Variants in SIPA1L1 observed in about 807,000 individuals in gnomAD.
The protein encoded by SIPA1L1 is signal-induced proliferation-associated 1-like protein 1.
In SIPA1L1, 26 loss-of-function variants were observed where a neutral mutation model predicts 162.7. That is an observed-to-expected ratio of 0.16 (90% CI 0.12 to 0.22). The LOEUF is 0.22. SIPA1L1 is among the 10% of genes least tolerant of loss of function. The probability of loss-of-function intolerance (pLI) is 1.00; values close to 1 mark genes in which losing one functional copy is unlikely to be tolerated. For missense variants in SIPA1L1, 1,874 were observed against 2,241.0 expected (o/e 0.84, Z 3.31); for synonymous variants, 829 against 837.4 (o/e 0.99, Z 0.17).
rs564604549 is a variant in SIPA1L1, at chr14:71,700,951, C to T, written c.3522-1430C>T. ...GGAGCTTGCAGTGAGCCCGAGATTG[C>T]GCCACTGCACTCCAGCCTAGGGGAC... On this transcript the variant is annotated intron_variant, in intron 14 of 23. Transcript: ENST00000381232. 3.1e-3 allele frequency among the ~76,000 whole-genome samples: 380 copies of T among 122,660 alleles called. 5 individuals carry two copies. The highest frequency in any genetic ancestry group is 5.2e-3 in the Admixed American group (47 of 9,090). 80.5% of individuals were successfully genotyped at this position (122,660 alleles called of 152,430 possible). A position where few individuals can be genotyped will look rare whatever the true frequency, so the allele number is the denominator to read the frequency against.
At chr14:71,545,108 C>T (rs1037963648) in intron 4 of SIPA1L1, among the ~76,000 whole-genome samples, 1 of 152,150 alleles carries the variant, frequency 6.6e-6, no homozygotes, top group Admixed American at 6.5e-5. Flanking sequence ...AGTCCTCCTG[C>T]CTTGGCTCCC....
intron 4 of SIPA1L1, among the ~76,000 whole-genome samples, chr14:71,570,921 A>G (rs186493113): frequency 1.4e-3 from 208 of 152,080 alleles, no homozygotes; most frequent in Non-Finnish European, 2.5e-3. Flanking sequence ...CTGTAATCCC[A>G]AGTAGCTGGG....
chr14:71,502,253 A>ACAT (rs1555440974), intron 2 of SIPA1L1, among the ~76,000 whole-genome samples: 2 of 89,904 alleles, frequency 2.2e-5, no homozygotes, highest in African/African-American at 9.1e-5. Flanking sequence ...AAAAAAAAAA[A>ACAT]AAATATATAT....
chr14:71,467,995 CAGTT>C (rs942604245), intron 2 of SIPA1L1, among the ~76,000 whole-genome samples: 17 of 146,652 alleles, frequency 1.2e-4, no homozygotes, highest in Admixed American at 9.0e-4. Context: ...AGGGGAAAAG[CAGTT>C]AGAGGGGTGT....
intron 2 of SIPA1L1, among the ~76,000 whole-genome samples, chr14:71,394,641 T>A (rs912727550): frequency 6.6e-6 from 1 of 152,238 alleles, no homozygotes; most frequent in East Asian, 1.9e-4. Context: ...ACAAACTGTT[T>A]AACTGTGTAT....
At chr14:71,661,490 G>T (rs1448396590) in intron 10 of SIPA1L1, 23 bp downstream of exon 10, 3 of 1,601,996 alleles carry the variant, frequency 1.9e-6, no homozygotes, top group African/African-American at 2.7e-5. Flanking sequence ...GTCACAGCAG[G>T]GGCTCTGTGG....
chr14:71,506,756 A>G (rs972372258), intron 2 of SIPA1L1, among the ~76,000 whole-genome samples: 34 of 150,358 alleles, frequency 2.3e-4, no homozygotes, highest in African/African-American at 8.1e-4. Context: ...TTAATATGGA[A>G]TTTATATTTC....
intron 2 of SIPA1L1, among the ~76,000 whole-genome samples, chr14:71,348,139 C>T (rs2036347509): frequency 6.6e-6 from 1 of 152,096 alleles, no homozygotes; most frequent in Non-Finnish European, 1.5e-5. Flanking sequence ...ATCAAGTATG[C>T]AAACTGTAAA....
intron 2 of SIPA1L1, among the ~76,000 whole-genome samples, chr14:71,483,721 CCTG>C (rs1433537301): frequency 1.3e-5 from 2 of 152,318 alleles, no homozygotes; most frequent in East Asian, 1.9e-4. Flanking sequence ...ATGTCACTCT[CCTG>C]CTGAAAACAT....
At position 71,414,943 on chromosome 14, in the gene SIPA1L1, C is replaced by T. The variant is rs115954590; in HGVS notation, c.-465+93762C>T. 5.3e-3 allele frequency among the ~76,000 whole-genome samples: 811 copies of T among 152,284 alleles called. 6 individuals are homozygous for T. The highest frequency in any genetic ancestry group is 0.018 in the African/African-American group (755 of 41,560). On this transcript the variant is annotated intron_variant, in intron 2 of 23. Transcript: ENST00000381232. Reference sequence around the variant, plus strand: ...ACAGCTTAATGCAGATTAAGGGAGACGTATTTTATACAGGCCAAAAATACT... The same window carrying T: ...ACAGCTTAATGCAGATTAAGGGAGATGTATTTTATACAGGCCAAAAATACT...
chr14:71,423,182 G>T (rs2043311327), intron 2 of SIPA1L1, among the ~76,000 whole-genome samples: 5 of 152,010 alleles, frequency 3.3e-5, no homozygotes, highest in Admixed American at 3.3e-4. Flanking sequence ...TTGTTTTGTT[G>T]TTGAGTTACA....
chr14:71,669,999 C>G (rs1179346630), intron 10 of SIPA1L1, among the ~76,000 whole-genome samples: 1 of 152,140 alleles, frequency 6.6e-6, no homozygotes, highest in African/African-American at 2.4e-5. Context: ...TTGAAAGATG[C>G]ATACTCTCTG....
chr14:71,510,622 G>C (rs529069020), intron 2 of SIPA1L1, among the ~76,000 whole-genome samples: 2 of 152,146 alleles, frequency 1.3e-5, no homozygotes, highest in African/African-American at 4.8e-5. Flanking sequence ...TATTGCCAGG[G>C]GTGCATATAG....
At chr14:71,379,807 C>G (rs1372899056) in intron 2 of SIPA1L1, among the ~76,000 whole-genome samples, 2 of 152,186 alleles carry the variant, frequency 1.3e-5, no homozygotes, top group African/African-American at 4.8e-5. Context: ...TGTTTACTTT[C>G]TTTGTGCTTC....
intron 8 of SIPA1L1, among the ~76,000 whole-genome samples, chr14:71,657,326 C>A (rs1053513597): frequency 1.5e-5 from 2 of 131,974 alleles, no homozygotes; most frequent in East Asian, 2.3e-4. Flanking sequence ...CCAGCCTGGG[C>A]GACAGAGTGA....
At chr14:71,655,879 G>A (rs890842591) in intron 8 of SIPA1L1, among the ~76,000 whole-genome samples, 2 of 151,806 alleles carry the variant, frequency 1.3e-5, no homozygotes, top group African/African-American at 2.4e-5. Context: ...GTCTTTTGTT[G>A]GGTATATGGT....
intron 14 of SIPA1L1, among the ~76,000 whole-genome samples, chr14:71,701,322 G>C (rs1472590088): frequency 6.6e-6 from 1 of 151,502 alleles, no homozygotes; most frequent in Non-Finnish European, 1.5e-5. Flanking sequence ...CCCATCTCAA[G>C]CCATCCTCCC....
At chr14:71,556,885 C>T (rs895245031) in intron 4 of SIPA1L1, among the ~76,000 whole-genome samples, 7 of 152,230 alleles carry the variant, frequency 4.6e-5, no homozygotes, top group Non-Finnish European at 1.0e-4. Flanking sequence ...TTCTGTGTAG[C>T]TTTCCTTCCC....
At chr14:71,656,803 C>A (rs1480176681) in intron 8 of SIPA1L1, among the ~76,000 whole-genome samples, 2 of 152,172 alleles carry the variant, frequency 1.3e-5, no homozygotes, top group African/African-American at 2.4e-5. Flanking sequence ...TAGAGCAGTA[C>A]CTAACGGCAG....
Sources: allele counts gnomAD v4.1 joint callset (sites outside exome capture counted in the v4.1 genomes callset), GRCh38; gene constraint gnomAD v4.1.1; transcripts MANE v1.5; gene names NCBI Gene and HGNC (gene_info 2026-07-23, HGNC 2026-07-21).